Variants in TMEM218 observed in about 807,000 individuals in gnomAD.
The protein encoded by TMEM218 is transmembrane protein 218.
TMEM218 carries 8 observed loss-of-function variants against 10.0 expected under a neutral mutation model. The ratio of observed to expected loss-of-function variants is 0.80; its 90% CI spans 0.47 to 1.44. The LOEUF (loss-of-function observed/expected upper bound fraction) is 1.44, where lower values mean the gene tolerates loss of function less well. Among genes scored for constraint, TMEM218 ranks in the 40% most tolerant of loss-of-function variants. The pLI is 0.00. For synonymous variants in TMEM218, 66 were observed against 63.5 expected, an observed-to-expected ratio of 1.04 and a Z score of -0.18; for missense variants, 110 against 140.1, an observed-to-expected ratio of 0.79 and a Z score of 1.08.
In TMEM218 at chr11:125,097,577, G is replaced by A. The variant is rs902593314; in HGVS notation, c.*29C>T. ...ATCAATGTCATCACAATGAAGGAGA[G>A]AACAGGTTTTCGTTTTCCTGAAGAG... On this transcript the variant is annotated 3_prime_UTR_variant, in exon 5 of 5. Transcript: ENST00000682305. 7 of 1,610,484 alleles carry A rather than the reference G, an allele frequency of 4.3e-6. No homozygotes were observed. The highest frequency in any genetic ancestry group is 1.7e-5 in the Admixed American group (1 of 59,682).
At chr11:125,110,440 G>C (rs539098046) in intron 1 of TMEM218, 17 of 152,304 alleles carry the variant, frequency 1.1e-4, no homozygotes, top group African/African-American at 4.1e-4. Flanking sequence ...GAGAGAGTTT[G>C]TTCAAAACCT....
At position 125,096,219 on chromosome 11, in the gene TMEM218, T is replaced by A. The variant is rs565338744; in HGVS notation, c.*1387A>T. Reference sequence around the variant, plus strand: ...TACCTGGCCCTCACCAGCCCATGACTCTCAGTGGTTACCTGTTCTCTCTTC... The same window carrying A: ...TACCTGGCCCTCACCAGCCCATGACACTCAGTGGTTACCTGTTCTCTCTTC... On this transcript the variant is annotated 3_prime_UTR_variant, in exon 5 of 5. Transcript: ENST00000682305. Among the ~76,000 whole-genome samples the A allele has an allele frequency of 6.6e-5, 10 of 152,318 alleles. No homozygotes were observed. The East Asian group carries it at 1.9e-3, about 29-fold the overall frequency.
rs536021331 is a variant in TMEM218, at chr11:125,097,588, C to T, written c.*18G>A. On this transcript the variant is annotated 3_prime_UTR_variant, in exon 5 of 5. Transcript: ENST00000682305. ...CACAATGAAGGAGAGAACAGGTTTT[C>T]GTTTTCCTGAAGAGTGGTCAGTAGG... is the stretch of plus-strand genomic sequence containing the variant. 7.4e-6 allele frequency: 12 copies of T among 1,611,426 alleles called. No homozygotes were observed. In the South Asian group the frequency reaches 8.8e-5, roughly 12 times the overall value.
rs1237746914 is a variant in TMEM218, at chr11:125,096,765, A to C, written c.*841T>G. On this transcript the variant is annotated 3_prime_UTR_variant, in exon 5 of 5. Coordinates refer to ENST00000682305, the MANE Select transcript of TMEM218 (RefSeq NM_001258244.2). ...GGTCTGGGAGATCAGACAGGTATAG[A>C]GTTATATCTGATGTTGAGAATATAC... 1.3e-5 allele frequency: 2 copies of C among 152,200 alleles called. No individual in the cohort carries two copies. The highest frequency in any genetic ancestry group is 2.9e-5 in the Non-Finnish European group (2 of 68,044). The allele number at this position is 152,200 out of a possible 1,614,324, so 9.4% of individuals were successfully genotyped here.
At chr11:125,100,139 A>G (rs1950460503) in intron 4 of TMEM218, among the ~76,000 whole-genome samples, 1 of 152,192 alleles carries the variant, frequency 6.6e-6, no homozygotes, top group Admixed American at 6.5e-5. Context: ...TTAGTTCAAA[A>G]GTTACACATA....
intron 4 of TMEM218, among the ~76,000 whole-genome samples, chr11:125,098,915 C>T (rs1426822940): frequency 6.6e-6 from 1 of 152,196 alleles, no homozygotes; most frequent in Non-Finnish European, 1.5e-5. Flanking sequence ...GGAATACGAG[C>T]AGCCTCTAGA....
chr11:125,102,668 G>A lies in TMEM218; in HGVS notation c.-77+66C>T. 4 of 1,292,906 alleles carry A rather than the reference G, an allele frequency of 3.1e-6. No homozygotes were observed. In the South Asian group the frequency reaches 3.7e-5, roughly 12 times the overall value. The allele number at this position is 1,292,906 out of a possible 1,614,324, so 80.1% of individuals were successfully genotyped here. A position where few individuals can be genotyped will look rare whatever the true frequency, so the allele number is the denominator to read the frequency against. ...ACTGGTAGAAGACACCAGGGCATGG[G>A]AACTCCAGGGCCAAAGCAGAAGTTG... On this transcript the variant is annotated intron_variant, in intron 2 of 4. Coordinates refer to ENST00000682305, the MANE Select transcript of TMEM218 (RefSeq NM_001258244.2).
intron 1 of TMEM218, among the ~76,000 whole-genome samples, chr11:125,110,265 C>G (rs1953475527): frequency 6.6e-6 from 1 of 152,082 alleles, no homozygotes. Flanking sequence ...CTTGGCCAAC[C>G]CGATTTCAAG....
chr11:125,101,366 T>A, intron 3 of TMEM218, 63 bp from the exon 4 acceptor site: 3 of 1,542,058 alleles, frequency 1.9e-6, no homozygotes, highest in Non-Finnish European at 1.8e-6. Context: ...ATCAGTTAGG[T>A]CTGGACAGTC....
chr11:125,096,754 G>C lies in TMEM218; in HGVS notation c.*852C>G, dbSNP rs1333215094. 6.6e-6 allele frequency: 1 copy of C among 152,146 alleles called. No homozygotes were observed. Among genetic ancestry groups the C allele is most frequent in the East Asian group, 1.9e-4 (1 of 5,202 alleles). The allele number at this position is 152,146 out of a possible 1,614,324, so 9.4% of individuals were successfully genotyped here. A position where few individuals can be genotyped will look rare whatever the true frequency, so the allele number is the denominator to read the frequency against. ...AAATTTCATTTGGTCTGGGAGATCA[G>C]ACAGGTATAGAGTTATATCTGATGT... On this transcript the variant is annotated 3_prime_UTR_variant, in exon 5 of 5. Coordinates refer to ENST00000682305, the MANE Select transcript of TMEM218 (RefSeq NM_001258244.2).
At chr11:125,101,724 C>T (rs750007154) in intron 3 of TMEM218, 14 of 525,716 alleles carry the variant, frequency 2.7e-5, no homozygotes, top group Non-Finnish European at 4.6e-5. Flanking sequence ...ATGGCCTAAC[C>T]CTGTTCTGAA....
At position 125,097,046 on chromosome 11, in the gene TMEM218, A is replaced by G. The variant is rs1949736654; in HGVS notation, c.*560T>C. On this transcript the variant is annotated 3_prime_UTR_variant, in exon 5 of 5. Transcript: ENST00000682305. ...AAAGTCAGCCCTTTAGCTATTATTTATTGCTTTATTAGAGCAGAGGGAAGT... is the reference window on the plus strand; with the variant it reads ...AAAGTCAGCCCTTTAGCTATTATTTGTTGCTTTATTAGAGCAGAGGGAAGT... 1 of 152,206 alleles carries G rather than the reference A, an allele frequency of 6.6e-6. No homozygotes were observed. Among genetic ancestry groups the G allele is most frequent in the Admixed American group, 6.5e-5 (1 of 15,278 alleles). The allele number at this position is 152,206 out of a possible 1,614,324, so 9.4% of individuals were successfully genotyped here.
At chr11:125,101,085 C>T (rs1040033268) in intron 4 of TMEM218, 116 bp downstream of exon 4, 1 of 776,178 alleles carries the variant, frequency 1.3e-6, no homozygotes, top group Non-Finnish European at 2.1e-6. Flanking sequence ...TTGAACTTTA[C>T]AATTCTGACA....
chr11:125,099,939 AAAAG>A (rs1178617439), intron 4 of TMEM218, among the ~76,000 whole-genome samples: 1 of 151,582 alleles, frequency 6.6e-6, no homozygotes, highest in East Asian at 1.9e-4. Context: ...AAAAAAAAAA[AAAAG>A]ATAAGTGAGG....
At chr11:125,102,083 TG>T (rs1950925257) in intron 3 of TMEM218, 48 bp downstream of exon 3, 1 of 1,481,196 alleles carries the variant, frequency 6.8e-7, no homozygotes, top group African/African-American at 1.4e-5. Flanking sequence ...TCAGCGATTT[TG>T]CCTCTAATTG....
Position 125,108,696 on chromosome 11 carries a change from T to C in TMEM218, c.-153+2843A>G, listed in dbSNP as rs967854288. ...AATTTTCCTCTGATTTACATTAGAG[T>C]TGCATTCCTGGAAATTTTACTATAT... is the stretch of plus-strand genomic sequence containing the variant. On this transcript the variant is annotated intron_variant, in intron 1 of 4. Transcript: ENST00000682305. This position sits in a 1 kb window ranked among gnomAD's most constrained non-coding sequence, Gnocchi z 5.3. 5.9e-5 allele frequency among the ~76,000 whole-genome samples: 9 copies of C among 152,250 alleles called. No homozygotes were observed. The highest frequency in any genetic ancestry group is 3.9e-4 in the East Asian group (2 of 5,182).
Position 125,096,843 on chromosome 11 carries a change from C to G in TMEM218, c.*763G>C, listed in dbSNP as rs1004587682. ...TACAAAGATGAAAAGTGAAGACACC[C>G]CAAAATGGACTCATGGTAATTAAAT... On this transcript the variant is annotated 3_prime_UTR_variant, in exon 5 of 5. Coordinates refer to ENST00000682305, the MANE Select transcript of TMEM218 (RefSeq NM_001258244.2). 1 of 152,060 alleles carries G rather than the reference C, an allele frequency of 6.6e-6. No homozygotes were observed. The highest frequency in any genetic ancestry group is 1.5e-5 in the Non-Finnish European group (1 of 68,030). The allele number at this position is 152,060 out of a possible 1,614,324, so 9.4% of individuals were successfully genotyped here.
At position 125,102,309 on chromosome 11, in the gene TMEM218, T is replaced by A; in HGVS notation, c.-68A>T. ...CGATCGAGTGTCCTCTGTGCTCCAG[T>A]GCAACACACTCCCGTGAAAGCATTC... On this transcript the variant is annotated 5_prime_UTR_variant, in exon 3 of 5. Transcript: ENST00000682305. 1 of 1,575,476 alleles carries A rather than the reference T, an allele frequency of 6.3e-7. No individual in the cohort carries two copies. Among genetic ancestry groups the A allele is most frequent in the Non-Finnish European group, 8.6e-7 (1 of 1,162,620 alleles).
Position 125,108,006 on chromosome 11 carries a change from C to A in TMEM218, c.-153+3533G>T, listed in dbSNP as rs75358910. ...TAAAAAAATCTCAATTTTCCTTAAC[C>A]TATAAATTCAATGCAATCCTAACCA... On this transcript the variant is annotated intron_variant, in intron 1 of 4. Transcript: ENST00000682305. The surrounding 1 kb of genome is among the most constrained non-coding windows in gnomAD (Gnocchi z 5.3). Among the ~76,000 whole-genome samples the A allele has an allele frequency of 3.2e-4, 49 of 152,028 alleles. No individual in the cohort carries two copies. Among genetic ancestry groups the A allele is most frequent in the African/African-American group, 1.0e-3 (43 of 41,460 alleles).
Sources: allele counts gnomAD v4.1 joint callset (sites outside exome capture counted in the v4.1 genomes callset), GRCh38; gene constraint gnomAD v4.1.1; non-coding constraint Gnocchi (gnomAD v3.1); transcripts MANE v1.5; gene names NCBI Gene and HGNC (gene_info 2026-07-23, HGNC 2026-07-21).